SYNJ2: variants seen among roughly 807,000 people sequenced by gnomAD.
SYNJ2 encodes the protein polyphosphatidylinositol phosphatase SYNJ2.
SYNJ2 carries 116 observed loss-of-function variants against 141.3 expected under a neutral mutation model. The ratio of observed to expected loss-of-function variants is 0.82; its 90% CI spans 0.71 to 0.96. The LOEUF (loss-of-function observed/expected upper bound fraction) is 0.96. Ranked by LOEUF, SYNJ2 falls within the 40% of genes least tolerant of loss-of-function variation. The pLI is 0.00. For missense variants in SYNJ2, 1,873 were observed against 1,934.8 expected, an observed-to-expected ratio of 0.97 and a Z score of 0.60; for synonymous variants, 745 against 777.7, an observed-to-expected ratio of 0.96 and a Z score of 0.70.
rs780149532 is a variant in SYNJ2 at position 158,059,274 on chromosome 6, AG to A, written c.877del (p.Glu293SerfsTer9). The A allele has an allele frequency of 3.2e-6, 5 of 1,549,796 alleles. No homozygotes were observed. Among genetic ancestry groups the A allele is most frequent in the Admixed American group, 2.0e-5 (1 of 50,960 alleles). On this transcript the variant is annotated frameshift_variant, in exon 7 of 27. Coordinates refer to ENST00000355585, the MANE Select transcript of SYNJ2 (RefSeq NM_003898.4). LOFTEE classifies it high-confidence loss of function. Reference protein sequence around the residue: ...PAFDRHMVLLKEQYGQQVVVN... With the variant: ...PAFDRHMVLLXEQYGQQVVVN... Reference sequence around the variant, plus strand: ...CTTTGCAGGCACATGGTGCTTCTGAAGGAGCAGTACGGGCAGCAGGTGGTCG... The same window carrying A: ...CTTTGCAGGCACATGGTGCTTCTGAAGAGCAGTACGGGCAGCAGGTGGTCG...
At chr6:158,089,598 A>G (rs1783297695) in intron 24 of SYNJ2, among the ~76,000 whole-genome samples, 1 of 152,136 alleles carries the variant, frequency 6.6e-6, no homozygotes, top group African/African-American at 2.4e-5. Context: ...GTCTGTCCAT[A>G]TGCAAAAATC....
At chr6:157,992,401 CT>C (rs57905567) in intron 1 of SYNJ2, among the ~76,000 whole-genome samples, 291 of 120,342 alleles carry the variant, frequency 2.4e-3, no homozygotes, top group Middle Eastern at 0.01. Flanking sequence ...TGGCTTGTTT[CT>C]TTTTTTTTTT....
chr6:158,092,524 C>T (rs1783528261), intron 25 of SYNJ2, among the ~76,000 whole-genome samples: 1 of 152,156 alleles, frequency 6.6e-6, no homozygotes, highest in South Asian at 2.1e-4. Context: ...CCAGTAGTCC[C>T]AGCTACTTGG....
chr6:158,042,451 G>A (rs1471148082), intron 4 of SYNJ2, among the ~76,000 whole-genome samples: 1 of 152,244 alleles, frequency 6.6e-6, no homozygotes, highest in African/African-American at 2.4e-5. Flanking sequence ...GGTGAGGAAC[G>A]GAAAGGACCA....
intron 26 of SYNJ2, among the ~76,000 whole-genome samples, chr6:158,095,302 A>G (rs904062671): frequency 1.3e-5 from 2 of 152,208 alleles, no homozygotes; most frequent in East Asian, 1.9e-4. Flanking sequence ...TTTGCTTTCA[A>G]TAAAGGAAGA....
At chr6:158,023,818 G>C (rs1418560609) in intron 2 of SYNJ2, among the ~76,000 whole-genome samples, 1 of 152,192 alleles carries the variant, frequency 6.6e-6, no homozygotes, top group Non-Finnish European at 1.5e-5. Context: ...CCAATTGTTT[G>C]CTTCCCCCAT....
chr6:158,008,786 C>T (rs1474178710), intron 1 of SYNJ2, among the ~76,000 whole-genome samples: 1 of 152,214 alleles, frequency 6.6e-6, no homozygotes, highest in African/African-American at 2.4e-5. Context: ...CCAGGTGGCG[C>T]TAGCACCTCC....
At chr6:158,080,490 A>AC (rs1468455650) in intron 18 of SYNJ2, among the ~76,000 whole-genome samples, 1 of 150,218 alleles carries the variant, frequency 6.7e-6, no homozygotes, top group Non-Finnish European at 1.5e-5. Flanking sequence ...AAAAAAAAAA[A>AC]AAAAAACGAG....
At chr6:158,035,224 A>G (rs191952337) in intron 4 of SYNJ2, among the ~76,000 whole-genome samples, 26 of 152,146 alleles carry the variant, frequency 1.7e-4, no homozygotes, top group African/African-American at 6.3e-4. Flanking sequence ...GAAGAATGTC[A>G]ATGGTAGTTT....
intron 2 of SYNJ2, among the ~76,000 whole-genome samples, chr6:158,018,096 G>A (rs1167446210): frequency 6.6e-6 from 1 of 152,172 alleles, no homozygotes; most frequent in African/African-American, 2.4e-5. Context: ...GGGGTGGGAG[G>A]GAGAGGAAGG....
chr6:158,083,895 A>G (rs1192073243), intron 21 of SYNJ2, 106 bp from the exon 22 acceptor site: 1 of 1,309,346 alleles, frequency 7.6e-7, no homozygotes, highest in African/African-American at 1.5e-5. Flanking sequence ...GCTGCAGGGC[A>G]GGGTGCACGT....
chr6:158,026,101 G>T (rs377325640), intron 2 of SYNJ2, among the ~76,000 whole-genome samples: 1 of 152,194 alleles, frequency 6.6e-6, no homozygotes, highest in African/African-American at 2.4e-5. Flanking sequence ...CTACATTTTG[G>T]CTCCAACACA....
At chr6:158,060,508 T>C (rs1471716582) in intron 7 of SYNJ2, among the ~76,000 whole-genome samples, 1 of 152,086 alleles carries the variant, frequency 6.6e-6, no homozygotes, top group East Asian at 1.9e-4. Context: ...TCACTGGGGG[T>C]TAGGGCGATC....
intron 25 of SYNJ2, 53 bp downstream of exon 25, chr6:158,090,000 C>A: frequency 7.7e-7 from 1 of 1,306,872 alleles, no homozygotes. Flanking sequence ...TTCTTTTTAT[C>A]TCCCTGCTAA....
chr6:158,005,265 G>A (rs951260108), intron 1 of SYNJ2, among the ~76,000 whole-genome samples: 4 of 152,064 alleles, frequency 2.6e-5, no homozygotes, highest in Non-Finnish European at 5.9e-5. Context: ...TTTTAATAGA[G>A]ATGGGGTTTC....
In SYNJ2 at chr6:158,097,242, G is replaced by A. The variant is rs542426951; in HGVS notation, c.*878G>A. ...CTGATACGCGATATTGATTCTCATT[G>A]TTAGAATATGGAGAGTGTTTCAGCC... On this transcript the variant is annotated 3_prime_UTR_variant, in exon 27 of 27. Transcript: ENST00000355585. 3.9e-5 allele frequency: 6 copies of A among 152,328 alleles called. No individual in the cohort carries two copies. The South Asian group carries it at 1.0e-3, about 26-fold the overall frequency. The allele number at this position is 152,328 out of a possible 1,614,324, so 9.4% of individuals were successfully genotyped here. A position where few individuals can be genotyped will look rare whatever the true frequency, so the allele number is the denominator to read the frequency against.
intron 15 of SYNJ2, among the ~76,000 whole-genome samples, chr6:158,072,630 C>T (rs936258503): frequency 6.6e-6 from 1 of 151,928 alleles, no homozygotes; most frequent in Non-Finnish European, 1.5e-5. Context: ...GCAAAATTTC[C>T]TTAGTTTTCA....
At chr6:158,017,426 TTCTCCGAGATAGAG>T in intron 2 of SYNJ2, 136 bp downstream of exon 2, 1 of 1,020,636 alleles carries the variant, frequency 9.8e-7, no homozygotes, top group Non-Finnish European at 1.3e-6. Flanking sequence ...TTTTTTTTTT[TTCTCCGAGATAGAG>T]TTTTGCTCTT....
intron 1 of SYNJ2, among the ~76,000 whole-genome samples, chr6:158,004,031 G>C (rs896616039): frequency 6.6e-6 from 1 of 152,110 alleles, no homozygotes; most frequent in Admixed American, 6.5e-5. Context: ...CATGTTGTTC[G>C]AGTAGCATAG....
Sources: allele counts gnomAD v4.1 joint callset (sites outside exome capture counted in the v4.1 genomes callset), GRCh38; gene constraint gnomAD v4.1.1; transcripts MANE v1.5; gene names NCBI Gene and HGNC (gene_info 2026-07-23, HGNC 2026-07-21).